Variants in TRDMT1 observed in about 807,000 individuals in gnomAD.
The protein encoded by TRDMT1 is tRNA aspartic acid methyltransferase 1, also known as tRNA (cytosine(38)-C(5))-methyltransferase.
In TRDMT1, 49 loss-of-function variants were observed where a neutral mutation model predicts 51.2. That is an observed-to-expected ratio of 0.96 (90% CI 0.76 to 1.21). The LOEUF is 1.21. Ranked by LOEUF, TRDMT1 falls within the 50% of genes most tolerant of loss-of-function variation. The pLI is 0.00. For synonymous variants in TRDMT1, 187 were observed against 164.6 expected, an observed-to-expected ratio of 1.14 and a Z score of -1.04; for missense variants, 534 against 462.3, an observed-to-expected ratio of 1.16 and a Z score of -1.42.
At position 17,153,623 on chromosome 10, in the gene TRDMT1, T is replaced by C. The variant is rs1317699591; in HGVS notation, c.959A>G (p.Tyr320Cys). Reference protein sequence around the residue: ...TAEDVQVENIYKSLTNLSQEE... With the variant: ...TAEDVQVENICKSLTNLSQEE... Reference sequence around the variant, plus strand: ...TTGTGACAAATTGGTAAGGGATTTGTAGATATTCTCAACCTGTAAGAAAAT... The same window carrying C: ...TTGTGACAAATTGGTAAGGGATTTGCAGATATTCTCAACCTGTAAGAAAAT... The change falls in exon 10 of 11, where the codon TAC becomes TGC. Residue 320 changes from tyrosine to cysteine, a missense_variant. Coordinates refer to ENST00000377799, the MANE Select transcript of TRDMT1 (RefSeq NM_004412.7). The C allele has an allele frequency of 2.5e-6, 4 of 1,588,838 alleles. No homozygotes were observed. Among genetic ancestry groups the C allele is most frequent in the Non-Finnish European group, 3.4e-6 (4 of 1,168,198 alleles).
At chr10:17,162,076 G>A (rs1272125119) in intron 4 of TRDMT1, 90 bp downstream of exon 4, 14 of 1,117,500 alleles carry the variant, frequency 1.3e-5, no homozygotes, top group Non-Finnish European at 1.9e-5. Context: ...TGTATAAATG[G>A]CTATCCTCTA....
chr10:17,166,000 A>G (rs1313329364), intron 3 of TRDMT1, among the ~76,000 whole-genome samples: 1 of 152,108 alleles, frequency 6.6e-6, no homozygotes, highest in African/African-American at 2.4e-5. Context: ...ATACCATTTG[A>G]CCCTGCCATC....
Position 17,145,014 on chromosome 10 carries a change from C to T in TRDMT1, c.*4026G>A. On this transcript the variant is annotated 3_prime_UTR_variant, in exon 11 of 11. Transcript: ENST00000377799. ...TGTAAAACCCAGCACTTAGGGAAGC[C>T]AAGGTGGGTGGATTAACTTGAGGTC... 1 of 975,638 alleles carries T rather than the reference C, an allele frequency of 1.0e-6. No individual in the cohort carries two copies. Among genetic ancestry groups the T allele is most frequent in the Non-Finnish European group, 1.2e-6 (1 of 821,192 alleles). 60.4% of individuals were successfully genotyped at this position (975,638 alleles called of 1,614,324 possible).
Position 17,157,594 on chromosome 10 carries a change from T to C in TRDMT1, c.734A>G (p.Asp245Gly), listed in dbSNP as rs746835870. ...AEEIHRKNQQ[D>G]SDLSVKMLKD... is the part of the protein sequence containing the mutation. The stretch of plus-strand genomic sequence containing the variant: ...TAGCATTTTCACAGAGAGATCACTA[T>C]CTTGTTGATTTTTCCTGTGAATTTC... The change falls in exon 8 of 11, where the codon GAT becomes GGT. Residue 245 changes from aspartate to glycine, a missense_variant. Asp to Gly is a moderately conservative substitution (Grantham distance 94, BLOSUM62 -1). Coordinates refer to ENST00000377799, the MANE Select transcript of TRDMT1 (RefSeq NM_004412.7). The C allele has an allele frequency of 1.9e-6, 3 of 1,614,056 alleles. No individual in the cohort carries two copies. Among genetic ancestry groups the C allele is most frequent in the Admixed American group, 1.7e-5 (1 of 60,026 alleles).
chr10:17,171,794 T>C (rs1179920513), intron 2 of TRDMT1: 1 of 152,468 alleles, frequency 6.6e-6, no homozygotes, highest in South Asian at 2.1e-4. Context: ...GCTTCATTCC[T>C]GGGTTTTCTA....
intron 1 of TRDMT1, among the ~76,000 whole-genome samples, chr10:17,181,701 A>G (rs1177606680): frequency 7.2e-6 from 1 of 139,544 alleles, no homozygotes; most frequent in Admixed American, 7.2e-5. Flanking sequence ...ACCTACAATG[A>G]AGTTCCCAGG....
Position 17,144,192 on chromosome 10 carries a change from G to C in TRDMT1, c.*4848C>G. 6.1e-6 allele frequency: 6 copies of C among 985,660 alleles called. No individual in the cohort carries two copies. The highest frequency in any genetic ancestry group is 6.0e-6 in the Non-Finnish European group (5 of 829,956). The allele number at this position is 985,660 out of a possible 1,614,324, so 61.1% of individuals were successfully genotyped here. A position where few individuals can be genotyped will look rare whatever the true frequency, so the allele number is the denominator to read the frequency against. On this transcript the variant is annotated 3_prime_UTR_variant, in exon 11 of 11. Coordinates refer to ENST00000377799, the MANE Select transcript of TRDMT1 (RefSeq NM_004412.7). ...TTTCTCTCTTTCACTCTCATCCTCT[G>C]ACCCTCTAGGTGATCTCATCTGATT...
Position 17,168,911 on chromosome 10 carries a change from T to C in TRDMT1, c.181A>G (p.Thr61Ala), listed in dbSNP as rs1841594232. The change falls in exon 3 of 11, where the codon ACA (threonine) becomes GCA (alanine). Residue 61 changes from threonine to alanine, a missense_variant. By Grantham distance (58) the Thr-to-Ala change is moderately conservative (BLOSUM62 0). Transcript: ENST00000377799. ...QLLAKTIEGITLEEFDRLSFD... is the reference protein window; with the variant it reads ...QLLAKTIEGIALEEFDRLSFD... ...GATAATCTGTCAAACTCTTCGAGTG[T>C]AATGCCCTGAGGAATGAACATTTAG... 1.2e-6 allele frequency: 2 copies of C among 1,609,586 alleles called. No homozygotes were observed. Among genetic ancestry groups the C allele is most frequent in the Non-Finnish European group, 1.7e-6 (2 of 1,177,324 alleles).
At chr10:17,172,674 C>G (rs1842177777) in intron 2 of TRDMT1, among the ~76,000 whole-genome samples, 1 of 151,980 alleles carries the variant, frequency 6.6e-6, no homozygotes, top group African/African-American at 2.4e-5. Flanking sequence ...ATCTAAAACA[C>G]AAGGATAAAA....
chr10:17,152,373 T>C (rs1838864060), intron 10 of TRDMT1, among the ~76,000 whole-genome samples: 1 of 152,220 alleles, frequency 6.6e-6, no homozygotes, highest in Admixed American at 6.5e-5. Context: ...CAAATTATAT[T>C]GGCAGTTTGT....
intron 3 of TRDMT1, among the ~76,000 whole-genome samples, chr10:17,168,620 G>A (rs943274266): frequency 2.0e-5 from 3 of 152,152 alleles, no homozygotes; most frequent in African/African-American, 7.2e-5. Context: ...AGATCAGATG[G>A]TTCTATAAAG....
rs937253581 is a variant in TRDMT1, at chr10:17,138,355, T to G, written c.*10685A>C. Reference sequence around the variant, plus strand: ...CGTAACATTGCTTAAAAGATACATTTACATATGTCAGTTTTGTGATTTTCT... The same window carrying G: ...CGTAACATTGCTTAAAAGATACATTGACATATGTCAGTTTTGTGATTTTCT... On this transcript the variant is annotated 3_prime_UTR_variant, in exon 11 of 11. Transcript: ENST00000377799. Among the ~76,000 whole-genome samples the G allele has an allele frequency of 6.6e-6, 1 of 152,232 alleles. No homozygotes were observed. Among genetic ancestry groups the G allele is most frequent in the African/African-American group, 2.4e-5 (1 of 41,466 alleles).
intron 3 of TRDMT1, among the ~76,000 whole-genome samples, chr10:17,166,665 C>T (rs1270949493): frequency 6.6e-6 from 1 of 152,170 alleles, no homozygotes; most frequent in Non-Finnish European, 1.5e-5. Context: ...TGTGAACAGA[C>T]TTCTCAGAAA....
intron 1 of TRDMT1, among the ~76,000 whole-genome samples, chr10:17,190,235 A>T (rs920842748): frequency 7.2e-5 from 11 of 152,162 alleles, no homozygotes; most frequent in African/African-American, 2.2e-4. Flanking sequence ...AATATTTCTG[A>T]TAATGTTCCA....
intron 1 of TRDMT1, among the ~76,000 whole-genome samples, chr10:17,193,665 C>T (rs1844996819): frequency 6.6e-6 from 1 of 152,092 alleles, no homozygotes; most frequent in Admixed American, 6.6e-5. Flanking sequence ...ATACAGGTGA[C>T]AAACAAATGG....
At chr10:17,158,687 T>C (rs1453778530) in intron 7 of TRDMT1, among the ~76,000 whole-genome samples, 1 of 152,214 alleles carries the variant, frequency 6.6e-6, no homozygotes, top group African/African-American at 2.4e-5. Context: ...TAATCATTAC[T>C]ATATTTTAAT....
intron 10 of TRDMT1, among the ~76,000 whole-genome samples, chr10:17,149,469 T>C (rs17139978): frequency 0.14 from 20,902 of 152,128 alleles, 1,528 homozygotes; most frequent in Admixed American, 0.17. Flanking sequence ...AGTTCTTTCT[T>C]TGATTTAATA....
At position 17,160,308 on chromosome 10, in the gene TRDMT1, G is replaced by T; in HGVS notation, c.456C>A (p.Thr152=). Residue 152 remains threonine (T), a synonymous_variant, in exon 6 of 11, where the codon ACC becomes ACA. Coordinates refer to ENST00000377799, the MANE Select transcript of TRDMT1 (RefSeq NM_004412.7). ...CATTTATAACTGTGATACCTACAGA[G>T]GTTGGAGATAATAGAAACTCTTGGT... is the stretch of plus-strand genomic sequence containing the variant. ...FQYQEFLLSP[T]SLGIPNSRLR... The T allele has an allele frequency of 6.4e-7, 1 of 1,556,592 alleles. No homozygotes were observed. Among genetic ancestry groups the T allele is most frequent in the Non-Finnish European group, 8.7e-7 (1 of 1,151,918 alleles).
intron 10 of TRDMT1, chr10:17,150,909 G>C: frequency 1.0e-6 from 1 of 985,336 alleles, no homozygotes; most frequent in South Asian, 4.7e-5. Context: ...GACTATCCCA[G>C]AGATGATCTT....
Sources: gnomAD v4.1 joint callset for allele counts (sites outside exome capture counted in the v4.1 genomes callset) on GRCh38, gnomAD v4.1.1 for gene constraint, MANE v1.5 for transcripts, NCBI Gene and HGNC (gene_info 2026-07-23, HGNC 2026-07-21) for gene names.